The following SRBD1 variants were observed in gnomAD, a reference collection of about 807,000 sequenced individuals.
SRBD1 encodes S1 RNA binding domain 1, also known as S1 RNA-binding domain-containing protein 1.
Under a neutral mutation model 115.3 loss-of-function variants are expected in SRBD1, and 88 were observed. The observed-to-expected ratio is 0.76, with a 90% CI of 0.64 to 0.91. The LOEUF is 0.91. SRBD1 is among the 40% of genes least tolerant of loss of function. The probability of loss-of-function intolerance (pLI) is 0.00; values close to 1 mark genes in which losing one functional copy is unlikely to be tolerated. For missense variants in SRBD1, 1,385 were observed against 1,177.4 expected, an observed-to-expected ratio of 1.18 and a Z score of -2.58; for synonymous variants, 509 against 407.7, an observed-to-expected ratio of 1.25 and a Z score of -2.99.
chr2:45,564,839 T>A (rs977585905), intron 9 of SRBD1, among the ~76,000 whole-genome samples: 1 of 152,202 alleles, frequency 6.6e-6, no homozygotes, highest in Non-Finnish European at 1.5e-5. Context: ...ATTTTTCATA[T>A]ACATGGGTTC....
intron 14 of SRBD1, among the ~76,000 whole-genome samples, chr2:45,545,294 A>AAAC (rs1672078889): frequency 1.8e-5 from 1 of 55,022 alleles, no homozygotes; most frequent in African/African-American, 6.0e-5. Context: ...AAAAAAAAAA[A>AAAC]AAAAAAAAAA....
In SRBD1 at chr2:45,418,556, TAAGC is replaced by T. The variant is rs1667903379; in HGVS notation, c.2157-19_2157-16del. The T allele has an allele frequency of 4.5e-6, 7 of 1,568,430 alleles. No individual in the cohort carries two copies. Among genetic ancestry groups the T allele is most frequent in the African/African-American group, 1.4e-5 (1 of 70,868 alleles). On this transcript the variant is annotated splice_polypyrimidine_tract_variant and intron_variant, in intron 17 of 20. Transcript: ENST00000263736. The stretch of plus-strand genomic sequence containing the variant: ...CTGCAATATGCCTAGAAAAAAAAAA[TAAGC>T]AAACTGAAAAAAAGATCTCATCTGA...
intron 19 of SRBD1, among the ~76,000 whole-genome samples, chr2:45,405,319 C>T (rs1667401091): frequency 6.6e-6 from 1 of 152,008 alleles, no homozygotes; most frequent in African/African-American, 2.4e-5. Context: ...ATTACTGAGC[C>T]TTTTTTGTTT....
intron 19 of SRBD1, among the ~76,000 whole-genome samples, chr2:45,409,019 G>A (rs1472366506): frequency 6.6e-6 from 1 of 152,088 alleles, no homozygotes; most frequent in Admixed American, 6.5e-5. Context: ...AGGAGTTCAA[G>A]ACCAGCCTGG....
intron 12 of SRBD1, among the ~76,000 whole-genome samples, chr2:45,550,579 A>G (rs536895844): frequency 3.3e-5 from 5 of 152,292 alleles, no homozygotes; most frequent in South Asian, 2.1e-4. Context: ...ATATTCTTCA[A>G]AAATGAAGGC....
chr2:45,430,865 G>A (rs750960393), intron 16 of SRBD1, among the ~76,000 whole-genome samples: 1 of 152,064 alleles, frequency 6.6e-6, no homozygotes, highest in Non-Finnish European at 1.5e-5. Context: ...GCAACCTATA[G>A]AATGGGAGAA....
At chr2:45,537,767 C>T (rs997146751) in intron 14 of SRBD1, among the ~76,000 whole-genome samples, 2 of 152,154 alleles carry the variant, frequency 1.3e-5, no homozygotes, top group African/African-American at 4.8e-5. Context: ...AGGCGCTTTA[C>T]TGGGAACACT....
In SRBD1 at chr2:45,430,721, G is replaced by A. The variant is rs1315863005; in HGVS notation, c.2050-10827C>T. On this transcript the variant is annotated intron_variant, in intron 16 of 20. Coordinates refer to ENST00000263736, the MANE Select transcript of SRBD1 (RefSeq NM_018079.5). Reference sequence around the variant, plus strand: ...AGAAAACCTAGGCGATACCATTCAGGACATAGGCATGGGCAAAGACTTCAT... The same window carrying A: ...AGAAAACCTAGGCGATACCATTCAGAACATAGGCATGGGCAAAGACTTCAT... 2.0e-5 allele frequency among the ~76,000 whole-genome samples: 3 copies of A among 152,084 alleles called. No homozygotes were observed. The East Asian group carries it at 5.8e-4, about 29-fold the overall frequency.
At chr2:45,579,054 C>T (rs1303358810) in intron 7 of SRBD1, among the ~76,000 whole-genome samples, 1 of 152,076 alleles carries the variant, frequency 6.6e-6, no homozygotes, top group Non-Finnish European at 1.5e-5. Context: ...ACATCAATTT[C>T]CCCACTCAAT....
chr2:45,453,553 T>G (rs1019228740), intron 16 of SRBD1, among the ~76,000 whole-genome samples: 3 of 151,924 alleles, frequency 2.0e-5, no homozygotes, highest in Admixed American at 6.6e-5. Context: ...TCTGTTTACA[T>G]ACATGGAGAG....
At chr2:45,456,962 A>G (rs1572661223) in intron 16 of SRBD1, among the ~76,000 whole-genome samples, 1 of 152,080 alleles carries the variant, frequency 6.6e-6, no homozygotes, top group East Asian at 1.9e-4. Flanking sequence ...AATGGCTGAC[A>G]TAGAAAATGT....
intron 8 of SRBD1, 59 bp downstream of exon 8, chr2:45,574,568 G>A (rs936809064): frequency 2.9e-5 from 44 of 1,495,414 alleles, no homozygotes; most frequent in South Asian, 1.4e-4. Context: ...AGCACTAACC[G>A]TGTGACCCTT....
At chr2:45,517,360 T>C (rs561894769) in intron 14 of SRBD1, among the ~76,000 whole-genome samples, 6 of 152,328 alleles carry the variant, frequency 3.9e-5, no homozygotes, top group African/African-American at 1.4e-4. Context: ...AACTCAACTT[T>C]TACATAAGTG....
chr2:45,591,979 G>A (rs558090775), intron 4 of SRBD1, among the ~76,000 whole-genome samples: 3 of 152,062 alleles, frequency 2.0e-5, no homozygotes, highest in East Asian at 1.9e-4. Context: ...GAATTCCCAC[G>A]TGTTGTAGGA....
At chr2:45,396,882 C>A (rs1376009990) in intron 19 of SRBD1, among the ~76,000 whole-genome samples, 20 of 152,098 alleles carry the variant, frequency 1.3e-4, no homozygotes, top group Admixed American at 1.1e-3. Flanking sequence ...CATGGTGATG[C>A]AACACAATCA....
At chr2:45,503,237 T>G (rs935798001) in intron 14 of SRBD1, among the ~76,000 whole-genome samples, 1 of 152,146 alleles carries the variant, frequency 6.6e-6, no homozygotes, top group African/African-American at 2.4e-5. Flanking sequence ...GCAACTGACT[T>G]TAATATATTA....
chr2:45,565,749 A>T (rs763326473), intron 9 of SRBD1, among the ~76,000 whole-genome samples: 16 of 152,092 alleles, frequency 1.1e-4, no homozygotes, highest in Admixed American at 5.2e-4. Flanking sequence ...TATATTTAAA[A>T]CTCCTACAGC....
At chr2:45,498,439 T>C (rs1670526583) in intron 14 of SRBD1, among the ~76,000 whole-genome samples, 1 of 152,168 alleles carries the variant, frequency 6.6e-6, no homozygotes, top group African/African-American at 2.4e-5. Context: ...GTTATACATA[T>C]TTTTGGGGTA....
At chr2:45,586,070 T>C (rs1056794926) in intron 4 of SRBD1, among the ~76,000 whole-genome samples, 7 of 152,130 alleles carry the variant, frequency 4.6e-5, no homozygotes, top group Non-Finnish European at 7.4e-5. Context: ...TCTCTCATAT[T>C]GGTAGCAAAG....
Sources: allele counts gnomAD v4.1 joint callset (sites outside exome capture counted in the v4.1 genomes callset), GRCh38; gene constraint gnomAD v4.1.1; transcripts MANE v1.5; gene names NCBI Gene and HGNC (gene_info 2026-07-23, HGNC 2026-07-21).